DYM: variants seen among roughly 807,000 people sequenced by gnomAD.
DYM encodes dymeclin, also known as dyggve-Melchior-Clausen syndrome protein.
In DYM, 78 loss-of-function variants were observed where a neutral mutation model predicts 93.1. That is an observed-to-expected ratio of 0.84 (90% confidence interval 0.70 to 1.01). The LOEUF is 1.01. Ranked by LOEUF, DYM falls within the 50% of genes least tolerant of loss-of-function variation. DYM has a pLI of 0.00. For synonymous variants in DYM, 321 were observed against 319.7 expected, an observed-to-expected ratio of 1.00 and a Z score of -0.04; for missense variants, 789 against 845.0, an observed-to-expected ratio of 0.93 and a Z score of 0.82.
At chr18:49,313,828 A>G (rs1281504712) in intron 8 of DYM, among the ~76,000 whole-genome samples, 1 of 152,026 alleles carries the variant, frequency 6.6e-6, no homozygotes, top group Non-Finnish European at 1.5e-5. Context: ...TGATGAGGAA[A>G]CCCCTGACCC....
chr18:49,427,930 A>G (rs1235543488), intron 2 of DYM, among the ~76,000 whole-genome samples: 1 of 151,772 alleles, frequency 6.6e-6, no homozygotes, highest in African/African-American at 2.4e-5. Context: ...TCTACAAAAG[A>G]TTTTTTAAAA....
chr18:49,321,694 G>A (rs1434574178), intron 8 of DYM, among the ~76,000 whole-genome samples: 1 of 151,868 alleles, frequency 6.6e-6, no homozygotes, highest in African/African-American at 2.4e-5. Context: ...CCACTGCACA[G>A]AAACAGTAAA....
intron 8 of DYM, among the ~76,000 whole-genome samples, chr18:49,289,700 G>A (rs1267319622): frequency 7.8e-6 from 1 of 128,148 alleles, no homozygotes; most frequent in Non-Finnish European, 1.6e-5. Context: ...AACAGAATAA[G>A]CCCCTATCTC....
At chr18:49,202,970 G>T (rs1215933644) in intron 14 of DYM, among the ~76,000 whole-genome samples, 1 of 109,136 alleles carries the variant, frequency 9.2e-6, no homozygotes, top group Non-Finnish European at 2.0e-5. Context: ...CAGCCCCCCC[G>T]CCCGGCCAGC....
chr18:49,435,800 AAAAC>A (rs1184655904), intron 1 of DYM, among the ~76,000 whole-genome samples: 4 of 152,308 alleles, frequency 2.6e-5, no homozygotes, highest in Middle Eastern at 3.4e-3. Context: ...AAAAAAAACA[AAAAC>A]AAACAAACAA....
At chr18:49,162,668 G>C (rs2087309999) in intron 15 of DYM, among the ~76,000 whole-genome samples, 3 of 152,330 alleles carry the variant, frequency 2.0e-5, no homozygotes, top group Middle Eastern at 3.4e-3. Context: ...CATTAAGGTG[G>C]ATGGAACAAA....
intron 8 of DYM, among the ~76,000 whole-genome samples, chr18:49,309,663 C>T (rs540738342): frequency 1.3e-5 from 2 of 152,264 alleles, no homozygotes; most frequent in South Asian, 2.1e-4. Flanking sequence ...TTAAATCTAA[C>T]TTTGTAATGT....
At chr18:49,427,978 C>T (rs987391394) in intron 2 of DYM, among the ~76,000 whole-genome samples, 1 of 152,006 alleles carries the variant, frequency 6.6e-6, no homozygotes, top group Non-Finnish European at 1.5e-5. Flanking sequence ...GTGGTCCCAG[C>T]TACTCAGGAA....
chr18:49,405,573 T>C (rs2071388450), intron 2 of DYM, among the ~76,000 whole-genome samples: 2 of 152,234 alleles, frequency 1.3e-5, no homozygotes. Context: ...TTCTGGGTTC[T>C]CTATTCTGTT....
intron 14 of DYM, among the ~76,000 whole-genome samples, chr18:49,190,350 T>C (rs951353528): frequency 5.9e-5 from 9 of 152,354 alleles, no homozygotes; most frequent in African/African-American, 1.9e-4. Context: ...TATGGTTACA[T>C]TGCTATCTTT....
At chr18:49,199,003 A>T (rs1222543852) in intron 14 of DYM, among the ~76,000 whole-genome samples, 15 of 152,208 alleles carry the variant, frequency 9.9e-5, no homozygotes, top group Admixed American at 9.2e-4. Flanking sequence ...GATAGACTGG[A>T]TTAAGAAAAT....
At chr18:49,394,147 T>C (rs781387702) in intron 2 of DYM, among the ~76,000 whole-genome samples, 2 of 152,232 alleles carry the variant, frequency 1.3e-5, no homozygotes, top group Non-Finnish European at 2.9e-5. Context: ...ACATTGTGTA[T>C]ATTTCACCAC....
At chr18:49,310,000 A>G (rs1032240717) in intron 8 of DYM, among the ~76,000 whole-genome samples, 3 of 152,252 alleles carry the variant, frequency 2.0e-5, no homozygotes, top group Non-Finnish European at 4.4e-5. Context: ...AAGGTAAAAC[A>G]GCATGGACGC....
intron 15 of DYM, among the ~76,000 whole-genome samples, chr18:49,154,441 T>C (rs574237308): frequency 1.7e-4 from 26 of 152,166 alleles, no homozygotes; most frequent in African/African-American, 4.6e-4. Flanking sequence ...GTCGCCCAGA[T>C]TGGAGTGCAA....
intron 2 of DYM, among the ~76,000 whole-genome samples, chr18:49,394,096 C>G (rs2069737518): frequency 6.6e-6 from 1 of 152,020 alleles, no homozygotes; most frequent in African/African-American, 2.4e-5. Flanking sequence ...TACTTAATGC[C>G]ACAGAACTAT....
intron 11 of DYM, among the ~76,000 whole-genome samples, chr18:49,260,239 G>T (rs1044903929): frequency 4.6e-5 from 7 of 152,176 alleles, no homozygotes; most frequent in African/African-American, 1.7e-4. Context: ...AATTAGCCGG[G>T]TGTAGTAGTG....
intron 14 of DYM, chr18:49,205,967 G>A (rs1248879818): frequency 6.2e-6 from 1 of 161,744 alleles, no homozygotes; most frequent in East Asian, 1.5e-4. Flanking sequence ...ATCTATAGCA[G>A]TAAGTCATGT....
chr18:49,434,862 A>C (rs936052370), intron 1 of DYM, among the ~76,000 whole-genome samples: 14 of 152,086 alleles, frequency 9.2e-5, no homozygotes, highest in South Asian at 2.1e-4. Context: ...ACAACAACAA[A>C]AAAAGCACAA....
chr18:49,228,264 T>TA (rs2093597803), intron 13 of DYM, among the ~76,000 whole-genome samples: 1 of 152,134 alleles, frequency 6.6e-6, no homozygotes, highest in South Asian at 2.1e-4. Flanking sequence ...TCATTACCTT[T>TA]ATATTAGACT....
Sources: gnomAD v4.1 joint callset for allele counts (sites outside exome capture counted in the v4.1 genomes callset) on GRCh38, gnomAD v4.1.1 for gene constraint, MANE v1.5 for transcripts, NCBI Gene and HGNC (gene_info 2026-07-23, HGNC 2026-07-21) for gene names.